Variants in C11orf65 observed in about 807,000 individuals in gnomAD.
C11orf65 encodes protein MFI.
A neutral mutation model predicts 35.3 loss-of-function variants in C11orf65; 38 were observed. The observed-to-expected ratio is 1.08, with a 90% confidence interval of 0.83 to 1.41. C11orf65 has a LOEUF of 1.41. Ranked by LOEUF, C11orf65 falls within the 40% of genes most tolerant of loss-of-function variation. The pLI is 0.00. For synonymous variants in C11orf65, 105 were observed against 114.4 expected, an observed-to-expected ratio of 0.92 and a Z score of 0.53; for missense variants, 370 against 367.1, an observed-to-expected ratio of 1.01 and a Z score of -0.06.
At position 108,319,317 on chromosome 11, in the gene C11orf65, A is replaced by G. The variant is rs540395644; in HGVS notation, c.641-10246T>C. Among the ~76,000 whole-genome samples the G allele has an allele frequency of 2.6e-5, 4 of 152,166 alleles. No homozygotes were observed. The East Asian group carries it at 5.8e-4, about 22-fold the overall frequency. On this transcript the variant is annotated intron_variant, in intron 6 of 6. Coordinates refer to the C11orf65 transcript ENST00000525729. ...TTGCCTCTGTAAATCAATATATACT[A>G]TTCTTCTCCTTCCTCTTGTATTTCA... is the stretch of plus-strand genomic sequence containing the variant.
At chr11:108,354,007 G>T in intron 2 of C11orf65, 2 of 882,616 alleles carry the variant, frequency 2.3e-6, no homozygotes, top group Non-Finnish European at 3.6e-6. Context: ...TTTGAGCCCA[G>T]GAGTTTGAGT....
chr11:108,449,036 T>C (rs1255402247), intron 2 of C11orf65, among the ~76,000 whole-genome samples: 1 of 152,160 alleles, frequency 6.6e-6, no homozygotes, highest in East Asian at 1.9e-4. Context: ...CATTCACAAT[T>C]GCTTCAAAGA....
chr11:108,325,671 A>T, intron 6 of C11orf65: 1 of 868,274 alleles, frequency 1.2e-6, no homozygotes, highest in Non-Finnish European at 1.7e-6. Flanking sequence ...TATAGTAAAA[A>T]TAATTGTTTA....
At chr11:108,422,118 C>T (rs147402463) in intron 3 of C11orf65, among the ~76,000 whole-genome samples, 1,988 of 152,046 alleles carry the variant, frequency 0.013, 20 homozygotes, top group Non-Finnish European at 0.021. Flanking sequence ...TTAGTAGAGA[C>T]GGGGTTTCAC....
intron 7 of C11orf65, among the ~76,000 whole-genome samples, chr11:108,389,569 T>C (rs958866570): frequency 2.6e-5 from 4 of 152,234 alleles, no homozygotes; most frequent in East Asian, 3.8e-4. Context: ...ATTTTTTTAA[T>C]GGAAATTTTC....
rs773329421 is a variant in C11orf65, at chr11:108,353,871, T to C, written c.227-18579A>G. 6.2e-7 allele frequency: 1 copy of C among 1,612,162 alleles called. No homozygotes were observed. The highest frequency in any genetic ancestry group is 1.1e-5 in the South Asian group (1 of 91,040). Reference sequence around the variant, plus strand: ...ATGGGCATTACGGGTGTTGAAGGTGTCTTCAGAAGGTAAGTGATATGAAGT... The same window carrying C: ...ATGGGCATTACGGGTGTTGAAGGTGCCTTCAGAAGGTAAGTGATATGAAGT... On this transcript the variant is annotated intron_variant, in intron 2 of 3. Transcript: ENST00000524755.
rs1445181062 is a variant in C11orf65 at position 108,341,274 on chromosome 11, CCTTA to C, written c.227-5986_227-5983del. Among the ~76,000 whole-genome samples the C allele has an allele frequency of 5.9e-5, 9 of 152,096 alleles. 1 individual carries two copies. Among genetic ancestry groups the C allele is most frequent in the African/African-American group, 4.8e-5 (2 of 41,404 alleles). On this transcript the variant is annotated intron_variant, in intron 2 of 3. Transcript: ENST00000524755. ...CCTCAGATCTTCACACCAGTCACTC[CCTTA>C]CTTCATTCAGGCTTCTGCTGCAGTG...
upstream of C11orf65, among the ~76,000 whole-genome samples, chr11:108,467,964 C>T (rs1022381017): frequency 2.6e-5 from 4 of 151,852 alleles, no homozygotes; most frequent in African/African-American, 9.7e-5. Context: ...TAGCTGGGAC[C>T]GTAGGAGTGC....
intron 7 of C11orf65, among the ~76,000 whole-genome samples, chr11:108,390,084 C>T (rs1164911489): frequency 2.6e-5 from 4 of 151,812 alleles, no homozygotes; most frequent in African/African-American, 7.3e-5. Flanking sequence ...AGTGCAGTGG[C>T]GCGATGTCAG....
intron 3 of C11orf65, among the ~76,000 whole-genome samples, chr11:108,417,057 A>AC (rs2092744118): frequency 6.6e-6 from 1 of 152,242 alleles, no homozygotes; most frequent in African/African-American, 2.4e-5. Context: ...AGAGAAAAAT[A>AC]TAAAAAACTC....
rs1237858258 is a variant in C11orf65 at position 108,331,463 on chromosome 11, C to T, written c.*87G>A. 2 of 1,611,370 alleles carry T rather than the reference C, an allele frequency of 1.2e-6. No individual in the cohort carries two copies. The highest frequency in any genetic ancestry group is 2.7e-5 in the African/African-American group (2 of 74,558). On this transcript the variant is annotated 3_prime_UTR_variant, in exon 4 of 4. Transcript: ENST00000524755. ...TGGTAGAGAGACGGAATGAAGATTCCAACATATAAATTTTTGCCTCTTATG... is the reference window on the plus strand; with the variant it reads ...TGGTAGAGAGACGGAATGAAGATTCTAACATATAAATTTTTGCCTCTTATG...
intron 2 of C11orf65, among the ~76,000 whole-genome samples, chr11:108,344,217 T>A (rs917410742): frequency 6.6e-6 from 1 of 152,230 alleles, no homozygotes; most frequent in Non-Finnish European, 1.5e-5. Flanking sequence ...AGTGTAGGTA[T>A]GGAGGAGGAA....
intron 2 of C11orf65, among the ~76,000 whole-genome samples, chr11:108,457,209 G>A (rs747309547): frequency 1.7e-4 from 26 of 152,036 alleles, no homozygotes; most frequent in Non-Finnish European, 3.7e-4. Context: ...AGATAAGCAG[G>A]GCTGTGGAGG....
chr11:108,314,297 G>A (rs2084419760), intron 6 of C11orf65, among the ~76,000 whole-genome samples: 1 of 151,970 alleles, frequency 6.6e-6, no homozygotes, highest in African/African-American at 2.4e-5. Context: ...TGTAGAGATG[G>A]GTTTAGCCAT....
chr11:108,406,628 G>C (rs916289986), intron 5 of C11orf65, 135 bp downstream of exon 5: 4 of 554,326 alleles, frequency 7.2e-6, no homozygotes, highest in Non-Finnish European at 1.2e-5. Flanking sequence ...CCCCTGAGTA[G>C]CTAACTTAAG....
chr11:108,447,856 T>C (rs528490964), intron 2 of C11orf65, among the ~76,000 whole-genome samples: 3 of 152,170 alleles, frequency 2.0e-5, no homozygotes, highest in South Asian at 4.2e-4. Flanking sequence ...GCTGGTTTTT[T>C]GAAAAGATCA....
intron 3 of C11orf65, among the ~76,000 whole-genome samples, chr11:108,415,190 A>G (rs1264295123): frequency 6.6e-6 from 1 of 152,184 alleles, no homozygotes; most frequent in African/African-American, 2.4e-5. Flanking sequence ...TGAAAAGTAT[A>G]CAGATTGAGA....
At chr11:108,322,492 A>G (rs548754630) in intron 6 of C11orf65, among the ~76,000 whole-genome samples, 3 of 152,328 alleles carry the variant, frequency 2.0e-5, no homozygotes, top group South Asian at 4.1e-4. Flanking sequence ...AATTATGTTT[A>G]GTAAACATTC....
intron 1 of C11orf65, among the ~76,000 whole-genome samples, chr11:108,466,608 A>C (rs914266606): frequency 3.3e-5 from 5 of 152,128 alleles, no homozygotes; most frequent in Non-Finnish European, 5.9e-5. Context: ...ACCAAATAAA[A>C]TGTACTATCA....
Sources: gnomAD v4.1 joint callset for allele counts (sites outside exome capture counted in the v4.1 genomes callset) on GRCh38, gnomAD v4.1.1 for gene constraint, MANE v1.5 for transcripts, NCBI Gene and HGNC (gene_info 2026-07-23, HGNC 2026-07-21) for gene names.